Variants in ARSG observed in about 807,000 individuals in gnomAD.
The protein encoded by ARSG is ASG.
In ARSG, 37 loss-of-function variants were observed where a neutral mutation model predicts 50.5. The observed-to-expected ratio is 0.73, with a 90% CI of 0.56 to 0.96. The LOEUF (loss-of-function observed/expected upper bound fraction) is 0.96, where lower values mean the gene tolerates loss of function less well. Ranked by LOEUF, ARSG falls within the 50% of genes least tolerant of loss-of-function variation. The pLI, the probability that ARSG is intolerant of heterozygous loss-of-function variation, is 0.00. For missense variants in ARSG, 629 were observed against 675.3 expected, an observed-to-expected ratio of 0.93 and a Z score of 0.76; for synonymous variants, 225 against 254.6, an observed-to-expected ratio of 0.88 and a Z score of 1.11.
In ARSG at chr17:68,336,721, C is replaced by T. The variant is rs184302628; in HGVS notation, c.219-6883C>T. The stretch of plus-strand genomic sequence containing the variant: ...TATAAAAATTAGCTGAGCATGGTGG[C>T]GTGCATCTATAATCTTAGGTACTCA... On this transcript the variant is annotated intron_variant, in intron 2 of 11. Transcript: ENST00000621439. Among the ~76,000 whole-genome samples, 660 of 152,114 alleles carry T rather than the reference C, an allele frequency of 4.3e-3. 21 individuals are homozygous for T. Among genetic ancestry groups the T allele is most frequent in the Admixed American group, 0.039 (592 of 15,262 alleles).
rs555042057 is a variant in ARSG at position 68,380,345 on chromosome 17, G to A, written c.983-4719G>A. On this transcript the variant is annotated intron_variant, in intron 8 of 11. Coordinates refer to ENST00000621439, the MANE Select transcript of ARSG (RefSeq NM_001267727.2). ...CTGCCTCAACCTCCTGGGCTCAAGC[G>A]ATCATCCCACCTCAGCCTCCCAAGT... Among the ~76,000 whole-genome samples the A allele has an allele frequency of 8.5e-4, 129 of 151,714 alleles. 1 individual carries two copies. The highest frequency in any genetic ancestry group is 2.2e-4 in the African/African-American group (9 of 41,388).
chr17:68,437,005 A>T, the ARSG span, among the ~76,000 whole-genome samples: 3,089 of 107,132 alleles, frequency 0.029, 55 homozygotes, highest in East Asian at 0.048. Flanking sequence ...AAAAAAAAAA[A>T]ATATATATAT....
At chr17:68,419,447 G>A (rs1430389819) in intron 11 of ARSG, among the ~76,000 whole-genome samples, 4 of 152,068 alleles carry the variant, frequency 2.6e-5, no homozygotes, top group Non-Finnish European at 5.9e-5. Flanking sequence ...GTGGTGGCAG[G>A]TGCCTGTGAT....
At chr17:68,394,998 G>C in intron 9 of ARSG, 75 bp from the exon 10 acceptor site, 1 of 1,592,764 alleles carries the variant, frequency 6.3e-7, no homozygotes, top group Non-Finnish European at 8.6e-7. Flanking sequence ...GGCTGGTTCA[G>C]GTGGGGGTTG....
chr17:68,388,876 G>T (rs373658275), intron 9 of ARSG, among the ~76,000 whole-genome samples: 14 of 143,860 alleles, frequency 9.7e-5, no homozygotes, highest in African/African-American at 3.7e-4. Flanking sequence ...TGTGAGCCGA[G>T]ATCGCACCAC....
At chr17:68,272,769 T>A (rs1555749469) in intron 1 of ARSG, 2 of 1,613,634 alleles carry the variant, frequency 1.2e-6, no homozygotes, top group South Asian at 1.1e-5. Flanking sequence ...ATCCCAGACC[T>A]GTGAAAGAAA....
intron 1 of ARSG, among the ~76,000 whole-genome samples, chr17:68,305,869 A>T (rs781906605): frequency 6.6e-6 from 1 of 152,106 alleles, no homozygotes; most frequent in Non-Finnish European, 1.5e-5. Flanking sequence ...AGAGGTCAGG[A>T]GTTCGAGACC....
chr17:68,344,541 G>T (rs1216735577), intron 3 of ARSG, among the ~76,000 whole-genome samples: 1 of 152,220 alleles, frequency 6.6e-6, no homozygotes, highest in Admixed American at 6.5e-5. Flanking sequence ...GATGATTATT[G>T]TATTGGCAAG....
At chr17:68,413,468 C>G (rs570476575) in intron 11 of ARSG, among the ~76,000 whole-genome samples, 17 of 152,162 alleles carry the variant, frequency 1.1e-4, no homozygotes, top group Admixed American at 7.2e-4. Flanking sequence ...GCAGTCTGCC[C>G]GTTCTCAGAT....
rs139980899 is a variant in ARSG, at chr17:68,270,867, T to C, written c.-552+11441T>C. 3.7e-5 allele frequency: 59 copies of C among 1,613,980 alleles called. No homozygotes were observed. The African/African-American group carries it at 6.4e-4, about 17-fold the overall frequency. On this transcript the variant is annotated intron_variant, in intron 1 of 11. Transcript: ENST00000448504. ...CAAGGGGCGGTCCAGCCAGTCCTGC[T>C]ATGCTCTGAATGAAGATGTAGACCC...
At chr17:68,368,145 G>GGT (rs138337491) in intron 6 of ARSG, among the ~76,000 whole-genome samples, 2 of 151,982 alleles carry the variant, frequency 1.3e-5, no homozygotes, top group African/African-American at 2.4e-5. Flanking sequence ...AAAATTTAAA[G>GGT]GTGTGTGTGT....
intron 2 of ARSG, among the ~76,000 whole-genome samples, chr17:68,337,761 G>A (rs1377750168): frequency 1.3e-5 from 2 of 151,956 alleles, no homozygotes; most frequent in Non-Finnish European, 2.9e-5. Context: ...GAGACTACAG[G>A]CATGTGCCAC....
downstream of ARSG, among the ~76,000 whole-genome samples, chr17:68,424,034 A>G (rs1476807185): frequency 6.6e-6 from 1 of 152,178 alleles, no homozygotes; most frequent in Admixed American, 6.5e-5. Context: ...TGGATCCTGG[A>G]AGCCTCGACT....
At chr17:68,431,600 G>A in the ARSG span, among the ~76,000 whole-genome samples, 1 of 148,970 alleles carries the variant, frequency 6.7e-6, no homozygotes, top group African/African-American at 2.5e-5. Flanking sequence ...AGATGATATA[G>A]GATGGACTGG....
intron 11 of ARSG, among the ~76,000 whole-genome samples, chr17:68,415,846 T>C (rs1368025486): frequency 1.3e-5 from 2 of 152,192 alleles, no homozygotes; most frequent in African/African-American, 4.8e-5. Context: ...CCTGCTTACT[T>C]TTGGTGTTCA....
At chr17:68,291,145 TC>T, upstream of ARSG, 1 of 151,956 alleles carries the variant, frequency 6.6e-6, no homozygotes. Context: ...AGGCTTGGCC[TC>T]CCCCTCCTTA....
chr17:68,328,446 G>A (rs532331158), intron 2 of ARSG, among the ~76,000 whole-genome samples: 1 of 152,246 alleles, frequency 6.6e-6, no homozygotes, highest in South Asian at 2.1e-4. Flanking sequence ...GTCGTATTTG[G>A]ACCCAGGCTT....
At chr17:68,285,105 T>A (rs2075811210) in intron 1 of ARSG, among the ~76,000 whole-genome samples, 1 of 152,206 alleles carries the variant, frequency 6.6e-6, no homozygotes, top group Non-Finnish European at 1.5e-5. Flanking sequence ...GGAAAATGAA[T>A]GCATCTGAAA....
intron 2 of ARSG, among the ~76,000 whole-genome samples, chr17:68,310,930 G>A (rs1416296980): frequency 6.6e-6 from 1 of 152,188 alleles, no homozygotes; most frequent in African/African-American, 2.4e-5. Flanking sequence ...GCTGGGTGTG[G>A]TGGCTCACGC....
Sources: allele counts gnomAD v4.1 joint callset (sites outside exome capture counted in the v4.1 genomes callset), GRCh38; gene constraint gnomAD v4.1.1; transcripts MANE v1.5; gene names NCBI Gene and HGNC (gene_info 2026-07-23, HGNC 2026-07-21).